Variants in STX8 observed in about 807,000 individuals in gnomAD.
The protein encoded by STX8 is syntaxin-8.
STX8 carries 23 observed loss-of-function variants against 37.5 expected under a neutral mutation model. The observed-to-expected ratio is 0.61, with a 90% confidence interval of 0.44 to 0.87. The LOEUF is 0.87. STX8 is among the 40% of genes least tolerant of loss of function. STX8 has a pLI of 0.00. For synonymous variants in STX8, 115 were observed against 99.1 expected, an observed-to-expected ratio of 1.16 and a Z score of -0.95; for missense variants, 313 against 284.7, an observed-to-expected ratio of 1.10 and a Z score of -0.71.
intron 7 of STX8, among the ~76,000 whole-genome samples, chr17:9,323,696 G>A (rs1909651448): frequency 6.6e-6 from 1 of 152,058 alleles, no homozygotes; most frequent in South Asian, 2.1e-4. Flanking sequence ...AGAAAGGAAG[G>A]GAGATTGCGT....
At chr17:9,386,026 G>A (rs556504958) in intron 6 of STX8, among the ~76,000 whole-genome samples, 9 of 151,574 alleles carry the variant, frequency 5.9e-5, no homozygotes, top group Non-Finnish European at 1.2e-4. Context: ...CACCTGCCTC[G>A]GCTGGGATTA....
chr17:9,459,353 C>T (rs886507700), intron 6 of STX8, among the ~76,000 whole-genome samples: 4 of 152,190 alleles, frequency 2.6e-5, no homozygotes, highest in Non-Finnish European at 5.9e-5. Flanking sequence ...GCTCAGGTGA[C>T]ACAAGTGTCT....
chr17:9,495,365 T>G (rs1310098284), intron 5 of STX8, among the ~76,000 whole-genome samples: 2 of 152,194 alleles, frequency 1.3e-5, no homozygotes, highest in Non-Finnish European at 2.9e-5. Context: ...ATAGTAAAAT[T>G]CTAAATGCAT....
At chr17:9,488,819 A>AGTGT (rs1244919629) in intron 6 of STX8, among the ~76,000 whole-genome samples, 13,621 of 91,998 alleles carry the variant, frequency 0.15, 654 homozygotes, top group Middle Eastern at 0.2. Context: ...AGAGAGAGAG[A>AGTGT]GAGTGTGTGT....
At chr17:9,252,185 C>A (rs1167427207) in intron 7 of STX8, among the ~76,000 whole-genome samples, 2 of 151,690 alleles carry the variant, frequency 1.3e-5, no homozygotes, top group Non-Finnish European at 2.9e-5. Flanking sequence ...TGGCTCACGC[C>A]TGTAATCCCA....
chr17:9,311,663 G>A (rs1174724223), intron 7 of STX8, among the ~76,000 whole-genome samples: 2 of 152,162 alleles, frequency 1.3e-5, no homozygotes, highest in Non-Finnish European at 1.5e-5. Flanking sequence ...CTTACTAGCT[G>A]TGTGGCCTTG....
chr17:9,463,251 C>T (rs899101488), intron 6 of STX8, among the ~76,000 whole-genome samples: 1 of 152,114 alleles, frequency 6.6e-6, no homozygotes, highest in Non-Finnish European at 1.5e-5. Flanking sequence ...TATTACCGCT[C>T]ACAGGGACAC....
intron 7 of STX8, among the ~76,000 whole-genome samples, chr17:9,297,590 G>A (rs187214343): frequency 6.6e-5 from 10 of 152,326 alleles, no homozygotes; most frequent in African/African-American, 2.2e-4. Flanking sequence ...TTTGTTAGCC[G>A]GATGCAGTAG....
At position 9,386,351 on chromosome 17, in the gene STX8, C is replaced by T. The variant is rs186781556; in HGVS notation, c.542-7698G>A. 9.9e-5 allele frequency among the ~76,000 whole-genome samples: 15 copies of T among 152,216 alleles called. 1 individual carries two copies. The East Asian group carries it at 2.9e-3, about 29-fold the overall frequency. Reference sequence around the variant, plus strand: ...ACAATCATTATATGCTTTGTGATTCCATTTATAAGAAATACAAGGATAAAC... The same window carrying T: ...ACAATCATTATATGCTTTGTGATTCTATTTATAAGAAATACAAGGATAAAC... On this transcript the variant is annotated intron_variant, in intron 6 of 7. Transcript: ENST00000306357.
chr17:9,547,246 C>CAAAAAAAAAAAAAAA (rs11300957), intron 3 of STX8: 17 of 129,644 alleles, frequency 1.3e-4, no homozygotes, highest in African/African-American at 5.2e-4. Context: ...GACTCTGTCT[C>CAAAAAAAAAAAAAAA]AAAAAAAAAA....
chr17:9,451,521 G>A (rs1364849576), intron 6 of STX8, among the ~76,000 whole-genome samples: 1 of 152,092 alleles, frequency 6.6e-6, no homozygotes, highest in African/African-American at 2.4e-5. Context: ...GTCTAATGAA[G>A]TGAAAATATT....
chr17:9,363,539 C>T (rs1297861532), intron 7 of STX8, among the ~76,000 whole-genome samples: 1 of 152,144 alleles, frequency 6.6e-6, no homozygotes, highest in Non-Finnish European at 1.5e-5. Context: ...CTTCTAAACC[C>T]AGCCCTCATT....
At chr17:9,327,213 A>AGAAGGAGGAAGAAGGAGGAAGGAG in intron 7 of STX8, among the ~76,000 whole-genome samples, 1 of 149,746 alleles carries the variant, frequency 6.7e-6, no homozygotes, top group African/African-American at 2.5e-5. Context: ...AGAAGGAGGA[A>AGAAGGAGGAAGAAGGAGGAAGGAG]GAAGGAGGAA....
At chr17:9,555,431 C>A (rs1203113201) in intron 3 of STX8, 2 of 152,072 alleles carry the variant, frequency 1.3e-5, no homozygotes, top group African/African-American at 4.8e-5. Flanking sequence ...AATAATGTTA[C>A]CTTAATGGAA....
chr17:9,323,961 G>A (rs11658644), intron 7 of STX8, among the ~76,000 whole-genome samples: 8,827 of 152,192 alleles, frequency 0.058, 360 homozygotes, highest in South Asian at 0.12. Context: ...GGACACAGGC[G>A]CAGTGGGGCG....
intron 7 of STX8, among the ~76,000 whole-genome samples, chr17:9,369,281 G>T (rs1044410014): frequency 6.6e-6 from 1 of 152,132 alleles, no homozygotes; most frequent in Non-Finnish European, 1.5e-5. Flanking sequence ...GACACAGCGG[G>T]TACAGAGACA....
At chr17:9,258,879 G>A (rs1906904207) in intron 7 of STX8, among the ~76,000 whole-genome samples, 1 of 152,216 alleles carries the variant, frequency 6.6e-6, no homozygotes, top group Admixed American at 6.5e-5. Flanking sequence ...CCGAAGCCTT[G>A]AAGGCTCATC....
intron 6 of STX8, among the ~76,000 whole-genome samples, chr17:9,400,429 G>T (rs1912567990): frequency 6.7e-6 from 1 of 148,892 alleles, no homozygotes; most frequent in African/African-American, 2.5e-5. Flanking sequence ...TTTTGAGATG[G>T]AGTCTCGCGC....
Position 9,295,862 on chromosome 17 carries a change from T to G in STX8, c.644-45217A>C, listed in dbSNP as rs1332395291. 2.5e-5 allele frequency among the ~76,000 whole-genome samples: 3 copies of G among 117,926 alleles called. No individual in the cohort carries two copies. The Admixed American group carries it at 2.6e-4, about 10-fold the overall frequency. The allele number at this position is 117,926 out of a possible 152,430, so 77.4% of individuals were successfully genotyped here. A position where few individuals can be genotyped will look rare whatever the true frequency, so the allele number is the denominator to read the frequency against. On this transcript the variant is annotated intron_variant, in intron 7 of 7. Coordinates refer to ENST00000306357, the MANE Select transcript of STX8 (RefSeq NM_004853.3). ...GAGTTCGAGACCAGCCTGGCCAACA[T>G]GGTGAAACCCCATCTCTACCAAAAA...
Sources: gnomAD v4.1 joint callset for allele counts (sites outside exome capture counted in the v4.1 genomes callset) on GRCh38, gnomAD v4.1.1 for gene constraint, MANE v1.5 for transcripts, NCBI Gene and HGNC (gene_info 2026-07-23, HGNC 2026-07-21) for gene names.